TMEM154: variants seen among roughly 807,000 people sequenced by gnomAD.
TMEM154 encodes the protein transmembrane protein 154.
A neutral mutation model predicts 24.5 loss-of-function variants in TMEM154; 27 were observed. The observed-to-expected ratio is 1.10, with a 90% CI of 0.81 to 1.52. The LOEUF (loss-of-function observed/expected upper bound fraction) is 1.52. Among genes scored for constraint, TMEM154 ranks in the 40% most tolerant of loss-of-function variants. The pLI, the probability that TMEM154 is intolerant of heterozygous loss-of-function variation, is 0.00. For missense variants in TMEM154, 228 were observed against 213.4 expected (o/e 1.07, Z -0.43); for synonymous variants, 67 against 76.8 (o/e 0.87, Z 0.67).
At chr4:152,649,868 G>C (rs1352375554) in intron 3 of TMEM154, among the ~76,000 whole-genome samples, 1 of 152,200 alleles carries the variant, frequency 6.6e-6, no homozygotes, top group African/African-American at 2.4e-5. Context: ...AATAAAGCAA[G>C]TCACATTAAT....
chr4:152,639,954 T>A (rs1018903808), intron 6 of TMEM154, among the ~76,000 whole-genome samples: 1 of 152,132 alleles, frequency 6.6e-6, no homozygotes, highest in Non-Finnish European at 1.5e-5. Flanking sequence ...TTTGGGATGG[T>A]GAATTCTTAA....
At chr4:152,668,201 G>A (rs765303974) in intron 1 of TMEM154, among the ~76,000 whole-genome samples, 4 of 151,628 alleles carry the variant, frequency 2.6e-5, no homozygotes, top group Admixed American at 6.6e-5. Flanking sequence ...TAAAGAATGC[G>A]TATTTTTAGG....
intron 5 of TMEM154, among the ~76,000 whole-genome samples, chr4:152,642,138 C>G (rs558566443): frequency 6.6e-6 from 1 of 151,550 alleles, no homozygotes; most frequent in Non-Finnish European, 1.5e-5. Flanking sequence ...AGGCTGGTTT[C>G]GAACTCCTGA....
At position 152,679,261 on chromosome 4, in the gene TMEM154, T is replaced by A. The variant is rs373232654; in HGVS notation, c.64+609A>T. ...AGTAACAATCAATGCAAAAAAAAAA[T>A]CTGTAAAAGTAACAAGGTGCAATAA... is the stretch of plus-strand genomic sequence containing the variant. On this transcript the variant is annotated intron_variant, in intron 1 of 6. Coordinates refer to ENST00000304385, the MANE Select transcript of TMEM154 (RefSeq NM_152680.3). 9.9e-5 allele frequency among the ~76,000 whole-genome samples: 15 copies of A among 150,854 alleles called. No individual in the cohort carries two copies. The East Asian group carries it at 2.3e-3, about 23-fold the overall frequency.
At position 152,628,481 on chromosome 4, in the gene TMEM154, G is replaced by C; in HGVS notation, c.*65C>G. On this transcript the variant is annotated 3_prime_UTR_variant, in exon 7 of 7. Coordinates refer to ENST00000304385, the MANE Select transcript of TMEM154 (RefSeq NM_152680.3). Reference sequence around the variant, plus strand: ...TAAATTTGTATCCTCTTCATCCTCTGTTGGCAGCCTCAGCAGACTCCCTCA... The same window carrying C: ...TAAATTTGTATCCTCTTCATCCTCTCTTGGCAGCCTCAGCAGACTCCCTCA... 2 of 1,455,356 alleles carry C rather than the reference G, an allele frequency of 1.4e-6. No individual in the cohort carries two copies. Among genetic ancestry groups the C allele is most frequent in the Non-Finnish European group, 1.8e-6 (2 of 1,082,920 alleles). The allele number at this position is 1,455,356 out of a possible 1,614,324, so 90.2% of individuals were successfully genotyped here.
chr4:152,656,026 C>G (rs1394364386), intron 1 of TMEM154, among the ~76,000 whole-genome samples: 1 of 152,162 alleles, frequency 6.6e-6, no homozygotes, highest in Non-Finnish European at 1.5e-5. Context: ...CCACTGGCAC[C>G]ACAGCATTCC....
At chr4:152,645,461 T>G (rs2149781763) in intron 3 of TMEM154, among the ~76,000 whole-genome samples, 1 of 152,340 alleles carries the variant, frequency 6.6e-6, no homozygotes, top group South Asian at 2.1e-4. Context: ...AATTGGAGCC[T>G]GATGTCCCAG....
chr4:152,628,591 A>T, intron 6 of TMEM154, 30 bp from the exon 7 acceptor site: 1 of 633,836 alleles, frequency 1.6e-6, no homozygotes, highest in African/African-American at 4.2e-5. Context: ...AAAAAAAAAA[A>T]ACAAAAAAAA....
chr4:152,670,556 C>T (rs923120525), intron 1 of TMEM154, among the ~76,000 whole-genome samples: 2 of 151,970 alleles, frequency 1.3e-5, no homozygotes, highest in South Asian at 2.1e-4. Flanking sequence ...GATTGCACCA[C>T]TACACTCCAG....
At chr4:152,665,251 C>A (rs1247364022) in intron 1 of TMEM154, among the ~76,000 whole-genome samples, 1 of 152,172 alleles carries the variant, frequency 6.6e-6, no homozygotes, top group African/African-American at 2.4e-5. Flanking sequence ...GAACCCAGGT[C>A]TCAATAATTT....
chr4:152,649,175 T>C (rs1331161777), intron 3 of TMEM154, among the ~76,000 whole-genome samples: 3 of 152,260 alleles, frequency 2.0e-5, no homozygotes, highest in South Asian at 2.1e-4. Flanking sequence ...AGAGGTGCCC[T>C]GTCATGGGTG....
At chr4:152,645,827 G>A (rs925388748) in intron 3 of TMEM154, among the ~76,000 whole-genome samples, 1 of 151,912 alleles carries the variant, frequency 6.6e-6, no homozygotes, top group Admixed American at 6.6e-5. Context: ...TGCCATCACC[G>A]CTTGCCTTCC....
intron 6 of TMEM154, among the ~76,000 whole-genome samples, chr4:152,628,959 T>C (rs896696941): frequency 2.6e-5 from 4 of 151,916 alleles, no homozygotes; most frequent in African/African-American, 9.7e-5. Flanking sequence ...GTAACATATC[T>C]CTAAGAAGCT....
intron 1 of TMEM154, among the ~76,000 whole-genome samples, chr4:152,674,277 C>G (rs1268697901): frequency 2.6e-5 from 4 of 151,510 alleles, no homozygotes; most frequent in Non-Finnish European, 5.9e-5. Context: ...TGTCCATTCA[C>G]TGGGTCAACA....
In TMEM154 at chr4:152,652,908, T is replaced by A. The variant is rs1728416062; in HGVS notation, c.84A>T (p.Glu28Asp). Residue 28 changes from glutamate to aspartate, a missense_variant, in exon 2 of 7, where the codon GAA becomes GAT. Transcript: ENST00000304385. ...PVGRGNYEELENSGDTTVESE... is the reference protein window; with the variant it reads ...PVGRGNYEELDNSGDTTVESE... ...ATTCCACAGTTGTATCTCCTGAGTTTTCTAATTCCTCATAATTACCTGTGG... is the reference window on the plus strand; with the variant it reads ...ATTCCACAGTTGTATCTCCTGAGTTATCTAATTCCTCATAATTACCTGTGG... 3 of 1,602,724 alleles carry A rather than the reference T, an allele frequency of 1.9e-6. No homozygotes were observed. Among genetic ancestry groups the A allele is most frequent in the Non-Finnish European group, 2.6e-6 (3 of 1,175,788 alleles).
intron 6 of TMEM154, among the ~76,000 whole-genome samples, chr4:152,632,066 C>G (rs1470048662): frequency 6.6e-6 from 1 of 152,112 alleles, no homozygotes; most frequent in Admixed American, 6.5e-5. Context: ...CTCGGCCTCC[C>G]AAAGTGCTGG....
At chr4:152,646,194 G>A (rs181782470) in intron 3 of TMEM154, among the ~76,000 whole-genome samples, 154 of 152,040 alleles carry the variant, frequency 1.0e-3, no homozygotes, top group South Asian at 5.6e-3. Context: ...TGGCCCCACC[G>A]TTGTGGGCAT....
At chr4:152,638,506 G>A (rs1008176383) in intron 6 of TMEM154, among the ~76,000 whole-genome samples, 1 of 152,110 alleles carries the variant, frequency 6.6e-6, no homozygotes, top group Non-Finnish European at 1.5e-5. Flanking sequence ...ACAGGCTTAG[G>A]ATAAAGGAAG....
chr4:152,650,275 C>T lies in TMEM154; in HGVS notation c.364+2263G>A, dbSNP rs536587255. Among the ~76,000 whole-genome samples the T allele has an allele frequency of 3.3e-5, 5 of 152,172 alleles. No homozygotes were observed. In the South Asian group the frequency reaches 8.3e-4, roughly 25 times the overall value. On this transcript the variant is annotated intron_variant, in intron 3 of 6. Transcript: ENST00000304385. ...TGGAGACGATTCTCACAAAACCTGC[C>T]GCTGCTCTACCAACTATGTTTATGG...
Sources: allele counts gnomAD v4.1 joint callset (sites outside exome capture counted in the v4.1 genomes callset), GRCh38; gene constraint gnomAD v4.1.1; transcripts MANE v1.5; gene names NCBI Gene and HGNC (gene_info 2026-07-23, HGNC 2026-07-21).